Variants in RBM12B observed in about 807,000 individuals in gnomAD.
RBM12B encodes the protein RNA-binding protein 12B.
Under a neutral mutation model 34.3 loss-of-function variants are expected in RBM12B, and 10 were observed. The observed-to-expected ratio is 0.29, with a 90% CI of 0.18 to 0.49. The LOEUF is 0.49. Ranked by LOEUF, RBM12B falls within the 20% of genes least tolerant of loss-of-function variation. The probability of loss-of-function intolerance (pLI) is 0.99; values close to 1 mark genes in which losing one functional copy is unlikely to be tolerated. For missense variants in RBM12B, 1,139 were observed against 1,262.7 expected (o/e 0.90, Z 1.48); for synonymous variants, 477 against 437.1 (o/e 1.09, Z -1.14).
In RBM12B at chr8:93,734,299, C is replaced by A. The variant is rs373825312; in HGVS notation, c.2112G>T (p.Glu704Asp). The A allele has an allele frequency of 4.7e-5, 76 of 1,613,442 alleles. No individual in the cohort carries two copies. Among genetic ancestry groups the A allele is most frequent in the Non-Finnish European group, 6.2e-5 (73 of 1,179,850 alleles). The change falls in exon 4 of 4, where the codon GAG (glutamate) becomes GAT (aspartate). Residue 704 changes from glutamate (E) to aspartate (D), a missense_variant. Transcript: ENST00000520560. ...PPEDDFRRPP[E>D]EDFRHSPEED... ...CCTCAGGGGAATGCCTGAAATCCTC[C>A]TCTGGGGGCCGCCTGAAGTCATCCT...
intron 2 of RBM12B, among the ~76,000 whole-genome samples, chr8:93,738,755 C>T (rs770180980): frequency 5.9e-5 from 9 of 152,158 alleles, no homozygotes; most frequent in South Asian, 2.1e-4. Flanking sequence ...TGAGCCACTG[C>T]GCCTGGAGTA....
chr8:93,736,455 A>ATTAG lies in RBM12B; in HGVS notation c.-28-18_-28-17insCTAA. 6.7e-7 allele frequency: 1 copy of ATTAG among 1,502,478 alleles called. No individual in the cohort carries two copies. The highest frequency in any genetic ancestry group is 8.8e-7 in the Non-Finnish European group (1 of 1,134,516). 93.1% of individuals were successfully genotyped at this position (1,502,478 alleles called of 1,614,324 possible). Reference sequence around the variant, plus strand: ...AATAATGACCTGCAGACAAAAAGGTACACATAATAGCAAGTCTTATTTTTG... The same window carrying ATTAG: ...AATAATGACCTGCAGACAAAAAGGTATTAGCACATAATAGCAAGTCTTATTTTTG... On this transcript the variant is annotated splice_polypyrimidine_tract_variant and intron_variant, in intron 3 of 3. Coordinates refer to ENST00000520560, the MANE Select transcript of RBM12B (RefSeq NM_001377960.1).
intron 2 of RBM12B, among the ~76,000 whole-genome samples, chr8:93,737,807 CAAAAAAAAAAAAA>C (rs78204688): frequency 9.9e-6 from 1 of 100,592 alleles, no homozygotes; most frequent in Admixed American, 9.8e-5. Flanking sequence ...ACCCAAAGTT[CAAAAAAAAAAAAA>C]AAAAAAAAAG....
At position 93,734,206 on chromosome 8, in the gene RBM12B, G is replaced by GGGTGGCCGACGGAAATGCTCCTGA; in HGVS notation, c.2181_2204dup (p.Gln728_Pro735dup). The GGGTGGCCGACGGAAATGCTCCTGA allele has an allele frequency of 1.3e-6, 2 of 1,592,116 alleles. No homozygotes were observed. The highest frequency in any genetic ancestry group is 2.7e-5 in the African/African-American group (2 of 74,158). On this transcript the variant is annotated inframe_insertion, in exon 4 of 4. Transcript: ENST00000520560. ...GAGGTGGTCTCCGGAAATGCTCTGGGGGTGGCCGACGGAAATGCTCCTGAG... is the reference window on the plus strand; with the variant it reads ...GAGGTGGTCTCCGGAAATGCTCTGGGGGTGGCCGACGGAAATGCTCCTGAGGTGGCCGACGGAAATGCTCCTGAG...
At position 93,734,689 on chromosome 8, in the gene RBM12B, G is replaced by A; in HGVS notation, c.1722C>T (p.His574=). The change falls in exon 4 of 4, where the codon CAC becomes CAT. Residue 574 remains histidine (H), a synonymous_variant. Transcript: ENST00000520560. ...DFRFPPEDFR[H]SPEDFRRPRE... is the part of the protein sequence containing the mutation. ...TAGGTCGCCTGAAGTCCTCTGGGGA[G>A]TGCCTGAAGTCCTCCGGGGGGAACC... is the stretch of plus-strand genomic sequence containing the variant. 6.2e-7 allele frequency: 1 copy of A among 1,613,014 alleles called. No homozygotes were observed. Among genetic ancestry groups the A allele is most frequent in the Non-Finnish European group, 8.5e-7 (1 of 1,179,450 alleles).
In RBM12B at chr8:93,734,564, T is replaced by A; in HGVS notation, c.1847A>T (p.Glu616Val). The change falls in exon 4 of 4, where the codon GAG (glutamate) becomes GTG (valine). Residue 616 changes from glutamate to valine, a missense_variant. Glu to Val is a moderately radical substitution (Grantham distance 121). Around this residue, in one of 3 missense-constraint regions of RBM12B, gnomAD observed 863 missense variants for 869.5 expected, o/e 0.99. Coordinates refer to ENST00000520560, the MANE Select transcript of RBM12B (RefSeq NM_001377960.1). ...PPEDDFRHPR[E>V]EDWRRPLEED... Reference sequence around the variant, plus strand: ...CTCAAGGGGCCTCCTCCAGTCCTCCTCCCTAGGGTGCCTGAAGTCATCCTC... The same window carrying A: ...CTCAAGGGGCCTCCTCCAGTCCTCCACCCTAGGGTGCCTGAAGTCATCCTC... 6.2e-7 allele frequency: 1 copy of A among 1,613,176 alleles called. No individual in the cohort carries two copies. Among genetic ancestry groups the A allele is most frequent in the Non-Finnish European group, 8.5e-7 (1 of 1,179,770 alleles).
intron 2 of RBM12B, chr8:93,740,249 C>T (rs1182006996): frequency 2.2e-6 from 1 of 453,782 alleles, no homozygotes; most frequent in Non-Finnish European, 4.5e-6. Flanking sequence ...GAAGACGAAT[C>T]CACATGGCAC....
chr8:93,740,098 G>C (rs569887288), intron 2 of RBM12B: 3 of 355,862 alleles, frequency 8.4e-6, no homozygotes, highest in South Asian at 4.2e-5. Context: ...CACTCTAAAC[G>C]TGAGTTTCCC....
At position 93,736,566 on chromosome 8, in the gene RBM12B, C is replaced by T. The variant is rs566322773; in HGVS notation, c.-28-128G>A. The T allele has an allele frequency of 1.0e-4, 66 of 662,760 alleles. No homozygotes were observed. In the East Asian group the frequency reaches 1.9e-3, roughly 19 times the overall value. The allele number at this position is 662,760 out of a possible 1,614,324, so 41.1% of individuals were successfully genotyped here. A position where few individuals can be genotyped will look rare whatever the true frequency, so the allele number is the denominator to read the frequency against. The stretch of plus-strand genomic sequence containing the variant: ...TAAATGAAAACAAGATACAAGTTCA[C>T]AAAAATACTGATCATATCTAATTAT... On this transcript the variant is annotated intron_variant, in intron 3 of 3. Coordinates refer to ENST00000520560, the MANE Select transcript of RBM12B (RefSeq NM_001377960.1).
intron 3 of RBM12B, 62 bp from the exon 4 acceptor site, chr8:93,736,500 A>C (rs1812027056): frequency 3.1e-6 from 4 of 1,289,776 alleles, no homozygotes; most frequent in African/African-American, 1.5e-5. Context: ...AGCCCAAACT[A>C]AGCTTAATAA....
rs1811646819 is a variant in RBM12B, at chr8:93,728,497, T to C, written c.*4908A>G. ...CCAGTCATTTCAACATCCTACCTAG[T>C]GTTACATGATTTTTGTGTAAGTGCC... On this transcript the variant is annotated 3_prime_UTR_variant, in exon 4 of 4. Coordinates refer to ENST00000520560, the MANE Select transcript of RBM12B (RefSeq NM_001377960.1). 1 of 411,778 alleles carries C rather than the reference T, an allele frequency of 2.4e-6. No homozygotes were observed. Among genetic ancestry groups the C allele is most frequent in the Non-Finnish European group, 4.3e-6 (1 of 230,274 alleles). 25.5% of individuals were successfully genotyped at this position (411,778 alleles called of 1,614,324 possible).
rs758332263 is a variant in RBM12B, at chr8:93,734,265, T to G, written c.2146A>C (p.Arg716=). Residue 716 remains arginine, a synonymous_variant, in exon 4 of 4, where the codon AGG becomes CGG. Coordinates refer to ENST00000520560, the MANE Select transcript of RBM12B (RefSeq NM_001377960.1). ...CGGAAATGCTCCTGGGGTGACTGCC[T>G]GAAGTCCTCCTCAGGGGAATGCCTG... ...DFRHSPEEDF[R]QSPQEHFRRP... 6.2e-7 allele frequency: 1 copy of G among 1,613,270 alleles called. No homozygotes were observed. Among genetic ancestry groups the G allele is most frequent in the Non-Finnish European group, 8.5e-7 (1 of 1,179,756 alleles).
rs1811828112 is a variant in RBM12B at position 93,732,497 on chromosome 8, A to G, written c.*908T>C. 1 of 152,244 alleles carries G rather than the reference A, an allele frequency of 6.6e-6. No individual in the cohort carries two copies. Among genetic ancestry groups the G allele is most frequent in the Admixed American group, 6.5e-5 (1 of 15,288 alleles). The allele number at this position is 152,244 out of a possible 1,614,324, so 9.4% of individuals were successfully genotyped here. On this transcript the variant is annotated 3_prime_UTR_variant, in exon 4 of 4. Transcript: ENST00000520560. ...ACTCATCAGTAAATTCTTCCTAGAAAAACAAACTATACCACTTGTCAGATT... is the reference window on the plus strand; with the variant it reads ...ACTCATCAGTAAATTCTTCCTAGAAGAACAAACTATACCACTTGTCAGATT...
chr8:93,731,928 GTGTT>G lies in RBM12B; in HGVS notation c.*1473_*1476del, dbSNP rs1257625692. 5 of 152,498 alleles carry G rather than the reference GTGTT, an allele frequency of 3.3e-5. No individual in the cohort carries two copies. The highest frequency in any genetic ancestry group is 1.9e-4 in the East Asian group (1 of 5,182). The allele number at this position is 152,498 out of a possible 1,614,324, so 9.4% of individuals were successfully genotyped here. ...TTAGTAATGTTAATGTTTGAGCTCA[GTGTT>G]TGAGCATGCTGGTTTTACCTATTTA... On this transcript the variant is annotated 3_prime_UTR_variant, in exon 4 of 4. Transcript: ENST00000520560.
chr8:93,735,651 A>C lies in RBM12B; in HGVS notation c.760T>G (p.Ser254Ala). The C allele has an allele frequency of 6.2e-7, 1 of 1,613,992 alleles. No homozygotes were observed. The highest frequency in any genetic ancestry group is 8.5e-7 in the Non-Finnish European group (1 of 1,179,974). Reference protein sequence around the residue: ...GDVLRRSEEHSPPRGINDRHF... With the variant: ...GDVLRRSEEHAPPRGINDRHF... ...CTATCATTAATTCCTCTTGGTGGAG[A>C]ATGTTCTTCAGATCTCCTAAGAACG... Residue 254 changes from serine (S) to alanine (A), a missense_variant, in exon 4 of 4, where the codon TCT becomes GCT. By Grantham distance (99) the Ser-to-Ala change is moderately conservative. Coordinates refer to ENST00000520560, the MANE Select transcript of RBM12B (RefSeq NM_001377960.1).
intron 2 of RBM12B, chr8:93,740,030 A>AT (rs1812146239): frequency 1.3e-5 from 4 of 298,384 alleles, no homozygotes; most frequent in East Asian, 9.1e-5. Flanking sequence ...GAGGGAGAGA[A>AT]TTTTTTTTAA....
At position 93,735,316 on chromosome 8, in the gene RBM12B, C is replaced by T. The variant is rs755772805; in HGVS notation, c.1095G>A (p.Lys365=). 2.5e-6 allele frequency: 4 copies of T among 1,614,036 alleles called. No individual in the cohort carries two copies. Among genetic ancestry groups the T allele is most frequent in the Non-Finnish European group, 3.4e-6 (4 of 1,180,030 alleles). The stretch of plus-strand genomic sequence containing the variant: ...TCTTCTTTTCATAACGTGCAATGAA[C>T]TTCAGCATTTGTTTTCTAGAAATTG... ...IDPISRKQML[K]FIARYEKKRS... is the part of the protein sequence containing the mutation. Residue 365 remains lysine, a synonymous_variant, in exon 4 of 4, where the codon AAG becomes AAA. Coordinates refer to ENST00000520560, the MANE Select transcript of RBM12B (RefSeq NM_001377960.1).
Position 93,733,464 on chromosome 8 carries a change from TAGC to T in RBM12B, c.2944_2946del (p.Ala982del). On this transcript the variant is annotated inframe_deletion, in exon 4 of 4. Coordinates refer to ENST00000520560, the MANE Select transcript of RBM12B (RefSeq NM_001377960.1). ...ACTGGCCTATCATTTAGATCTTTAA[TAGC>T]AGCCATAGCTTCATTATAGTTTATC... 1 of 1,583,560 alleles carries T rather than the reference TAGC, an allele frequency of 6.3e-7. No homozygotes were observed. The highest frequency in any genetic ancestry group is 8.6e-7 in the Non-Finnish European group (1 of 1,164,746).
chr8:93,735,002 A>C lies in RBM12B; in HGVS notation c.1409T>G (p.Val470Gly). ...TGCCTCAGATATAAGTCTTAATAACACCTCTGTCCCTAGGAATCTTCGTCG... is the reference window on the plus strand; with the variant it reads ...TGCCTCAGATATAAGTCTTAATAACCCCTCTGTCCCTAGGAATCTTCGTCG... ...LNRRRFLGTEVLLRLISEAQI... is the reference protein window; with the variant it reads ...LNRRRFLGTEGLLRLISEAQI... The change falls in exon 4 of 4, where the codon GTG becomes GGG. Residue 470 changes from valine to glycine, a missense_variant. Around this residue, in one of 3 missense-constraint regions of RBM12B, gnomAD observed 863 missense variants for 869.5 expected, o/e 0.99. Transcript: ENST00000520560. 1.9e-6 allele frequency: 3 copies of C among 1,613,862 alleles called. No homozygotes were observed. The highest frequency in any genetic ancestry group is 2.5e-6 in the Non-Finnish European group (3 of 1,179,960).
Sources: gnomAD v4.1 joint callset for allele counts (sites outside exome capture counted in the v4.1 genomes callset) on GRCh38, gnomAD v4.1.1 for gene constraint, gnomAD v4.1.1 regional missense constraint, MANE v1.5 for transcripts, NCBI Gene and HGNC (gene_info 2026-07-23, HGNC 2026-07-21) for gene names.